The following RAPGEF2 variants were observed in gnomAD, a reference collection of about 807,000 sequenced individuals.
RAPGEF2 encodes the protein PDZ domain containing guanine nucleotide exchange factor (GEF) 1.
A neutral mutation model predicts 186.7 loss-of-function variants in RAPGEF2; 54 were observed. The observed-to-expected ratio is 0.29, with a 90% CI of 0.23 to 0.36. The LOEUF is 0.36. Ranked by LOEUF, RAPGEF2 falls within the 10% of genes least tolerant of loss-of-function variation. The pLI is 1.00. For synonymous variants in RAPGEF2, 712 were observed against 705.9 expected, an observed-to-expected ratio of 1.01 and a Z score of -0.14; for missense variants, 1,532 against 2,045.0, an observed-to-expected ratio of 0.75 and a Z score of 4.84.
At chr4:159,164,866 A>G (rs1168253605) in intron 1 of RAPGEF2, among the ~76,000 whole-genome samples, 1 of 152,210 alleles carries the variant, frequency 6.6e-6, no homozygotes, top group East Asian at 1.9e-4. Context: ...GTATTTTGTG[A>G]CTTAGTTCAG....
chr4:159,122,671 A>G (rs1739836513), intron 1 of RAPGEF2, among the ~76,000 whole-genome samples: 1 of 152,200 alleles, frequency 6.6e-6, no homozygotes, highest in African/African-American at 2.4e-5. Context: ...TGTCATGAGT[A>G]TGGTTACTCA....
At chr4:159,135,468 G>A (rs1363779691) in intron 1 of RAPGEF2, among the ~76,000 whole-genome samples, 5 of 152,170 alleles carry the variant, frequency 3.3e-5, no homozygotes, top group African/African-American at 9.7e-5. Context: ...TATGAATGAT[G>A]CTGTTATAAA....
At chr4:159,250,766 C>G (rs530082340) in intron 7 of RAPGEF2, among the ~76,000 whole-genome samples, 1 of 149,810 alleles carries the variant, frequency 6.7e-6, no homozygotes, top group Admixed American at 6.7e-5. Flanking sequence ...GAGGTGACAA[C>G]GTGCTAGCAG....
At chr4:159,106,871 G>T (rs1579198873) in intron 1 of RAPGEF2, among the ~76,000 whole-genome samples, 1 of 152,274 alleles carries the variant, frequency 6.6e-6, no homozygotes, top group South Asian at 2.1e-4. Flanking sequence ...TCTAGGGGTG[G>T]GAAGAGTACC....
At position 159,356,155 on chromosome 4, in the gene RAPGEF2, G is replaced by A. The variant is rs758177906; in HGVS notation, c.4954G>A (p.Asp1652Asn). Residue 1652 changes from aspartate (D) to asparagine (N), a missense_variant, in exon 29 of 30, where the codon GAT (aspartate) becomes AAT (asparagine). Physicochemically the swap from Asp to Asn is conservative, Grantham distance 23. Coordinates refer to ENST00000691494, the MANE Select transcript of RAPGEF2 (RefSeq NM_001394067.2). ...YQSQGFSTEEDEDEQVSAV is the reference protein window; with the variant it reads ...YQSQGFSTEENEDEQVSAV The stretch of plus-strand genomic sequence containing the variant: ...GTCCCAAGGGTTTTCCACCGAGGAG[G>A]ATGGTATATGCACATAAATATTCCT... 1 of 1,613,358 alleles carries A rather than the reference G, an allele frequency of 6.2e-7. No homozygotes were observed. Among genetic ancestry groups the A allele is most frequent in the Admixed American group, 1.7e-5 (1 of 60,006 alleles).
At chr4:159,110,332 A>G (rs1408936054) in intron 1 of RAPGEF2, among the ~76,000 whole-genome samples, 3 of 152,190 alleles carry the variant, frequency 2.0e-5, no homozygotes, top group East Asian at 3.8e-4. Context: ...TCATGCCTCT[A>G]ATCCTAGCAC....
At chr4:159,166,533 G>GT (rs1026318515) in intron 1 of RAPGEF2, among the ~76,000 whole-genome samples, 1 of 152,176 alleles carries the variant, frequency 6.6e-6, no homozygotes, top group Non-Finnish European at 1.5e-5. Flanking sequence ...CTACTTTGTA[G>GT]TTAACCTAGA....
Position 159,343,261 on chromosome 4 carries a change from T to C in RAPGEF2, c.3131-20T>C. ...GAATAAATGCCATGTGATTTCCTTT[T>C]CCTCCTCTGTCAATTTCAGGAAATG... On this transcript the variant is annotated intron_variant, in intron 21 of 29. Coordinates refer to ENST00000691494, the MANE Select transcript of RAPGEF2 (RefSeq NM_001394067.2). The C allele has an allele frequency of 6.2e-7, 1 of 1,614,036 alleles. No individual in the cohort carries two copies. Among genetic ancestry groups the C allele is most frequent in the Non-Finnish European group, 8.5e-7 (1 of 1,179,918 alleles).
chr4:159,346,142 G>C (rs1730276814), intron 24 of RAPGEF2, among the ~76,000 whole-genome samples: 1 of 152,104 alleles, frequency 6.6e-6, no homozygotes, highest in African/African-American at 2.4e-5. Context: ...CTAATCCTTA[G>C]TTTCCAGGCG....
At chr4:159,281,623 A>G (rs571623351) in intron 7 of RAPGEF2, among the ~76,000 whole-genome samples, 1 of 150,364 alleles carries the variant, frequency 6.7e-6, no homozygotes, top group South Asian at 2.1e-4. Flanking sequence ...ATGAGCTGAG[A>G]TCATGCCATT....
At chr4:159,344,593 T>C (rs139372015) in intron 23 of RAPGEF2, among the ~76,000 whole-genome samples, 11 of 152,374 alleles carry the variant, frequency 7.2e-5, no homozygotes, top group African/African-American at 2.4e-4. Flanking sequence ...TCCATACATA[T>C]ATGTTTACAT....
intron 29 of RAPGEF2, among the ~76,000 whole-genome samples, chr4:159,356,551 C>G (rs1174447144): frequency 6.6e-6 from 1 of 152,128 alleles, no homozygotes; most frequent in Non-Finnish European, 1.5e-5. Flanking sequence ...GTTTATATGA[C>G]TTGATTTCTT....
At position 159,124,016 on chromosome 4, in the gene RAPGEF2, C is replaced by T. The variant is rs554002205; in HGVS notation, c.69+19785C>T. Among the ~76,000 whole-genome samples, 252 of 151,946 alleles carry T rather than the reference C, an allele frequency of 1.7e-3. 1 individual carries two copies. Among genetic ancestry groups the T allele is most frequent in the African/African-American group, 4.3e-3 (178 of 41,468 alleles). ...AATTACAGGCGCGTGCCACCACACC[C>T]GGCTAATTTTTGTATTTTTAGTAGA... On this transcript the variant is annotated intron_variant, in intron 1 of 29. Transcript: ENST00000691494.
chr4:159,329,647 A>C, intron 11 of RAPGEF2: 1 of 341,650 alleles, frequency 2.9e-6, no homozygotes, highest in Non-Finnish European at 5.3e-6. Context: ...AATACATATA[A>C]GTATTCTAAA....
chr4:159,243,434 A>G (rs1754250496), intron 6 of RAPGEF2, among the ~76,000 whole-genome samples: 1 of 151,984 alleles, frequency 6.6e-6, no homozygotes, highest in Non-Finnish European at 1.5e-5. Context: ...AAAGAATTAA[A>G]TAGAAATTAT....
At chr4:159,141,191 C>T (rs1408638192) in intron 1 of RAPGEF2, among the ~76,000 whole-genome samples, 1 of 152,154 alleles carries the variant, frequency 6.6e-6, no homozygotes, top group South Asian at 2.1e-4. Flanking sequence ...TACCACTGTT[C>T]CAAATTTCCT....
In RAPGEF2 at chr4:159,243,754, C is replaced by T. The variant is rs1754285266; in HGVS notation, c.526-20C>T. 1 of 1,274,140 alleles carries T rather than the reference C, an allele frequency of 7.8e-7. No homozygotes were observed. Among genetic ancestry groups the T allele is most frequent in the Non-Finnish European group, 1.0e-6 (1 of 974,640 alleles). 78.9% of individuals were successfully genotyped at this position (1,274,140 alleles called of 1,614,324 possible). A position where few individuals can be genotyped will look rare whatever the true frequency, so the allele number is the denominator to read the frequency against. ...TTTTCCTTTCCTCCTTTATGGCACT[C>T]ATTTCATTTTGGCTCAAAGGAATGC... On this transcript the variant is annotated intron_variant, in intron 6 of 29. Coordinates refer to ENST00000691494, the MANE Select transcript of RAPGEF2 (RefSeq NM_001394067.2).
intron 3 of RAPGEF2, among the ~76,000 whole-genome samples, chr4:159,203,461 G>A (rs1749659133): frequency 6.6e-6 from 1 of 152,208 alleles, no homozygotes; most frequent in Non-Finnish European, 1.5e-5. Context: ...ACGTGAGCAT[G>A]TACACAGGGC....
At chr4:159,281,245 C>T (rs1222059366) in intron 7 of RAPGEF2, among the ~76,000 whole-genome samples, 3 of 152,032 alleles carry the variant, frequency 2.0e-5, no homozygotes, top group Admixed American at 6.5e-5. Context: ...CCGCCTTGGC[C>T]TCCCAAAATG....
Sources: gnomAD v4.1 joint callset for allele counts (sites outside exome capture counted in the v4.1 genomes callset) on GRCh38, gnomAD v4.1.1 for gene constraint, MANE v1.5 for transcripts, NCBI Gene and HGNC (gene_info 2026-07-23, HGNC 2026-07-21) for gene names.